Variants in POU2AF2 observed in about 807,000 individuals in gnomAD.
The protein encoded by POU2AF2 is POU domain class 2-associating factor 2.
chr11:111,248,872 A>T, the POU2AF2 span, among the ~76,000 whole-genome samples: 1 of 152,224 alleles, frequency 6.6e-6, no homozygotes, highest in Admixed American at 6.5e-5. Context: ...TGACAAATTG[A>T]TTTCAGAATA....
At chr11:111,267,155 C>T in the POU2AF2 span, among the ~76,000 whole-genome samples, 7 of 152,238 alleles carry the variant, frequency 4.6e-5, no homozygotes, top group Non-Finnish European at 4.4e-5. Flanking sequence ...TTAGAAGACA[C>T]TGGACCCAAG....
At chr11:111,252,443 T>C in the POU2AF2 span, among the ~76,000 whole-genome samples, 1 of 152,064 alleles carries the variant, frequency 6.6e-6, no homozygotes, top group African/African-American at 2.4e-5. Flanking sequence ...GGGATCACAT[T>C]TGAGAATCAC....
At chr11:111,280,040 C>CAAAAAAAAA in the POU2AF2 span, among the ~76,000 whole-genome samples, 1 of 72,612 alleles carries the variant, frequency 1.4e-5, no homozygotes, top group African/African-American at 4.8e-5. Flanking sequence ...GACTCCATCT[C>CAAAAAAAAA]AAAAAAAAAA....
chr11:111,264,498 A>C, the POU2AF2 span, among the ~76,000 whole-genome samples: 1 of 7,606 alleles, frequency 1.3e-4, no homozygotes, highest in Non-Finnish European at 3.1e-4. Flanking sequence ...TCACGAAAGA[A>C]AGAAAGAAAG....
At chr11:111,282,953 C>T in the POU2AF2 span, among the ~76,000 whole-genome samples, 2 of 152,046 alleles carry the variant, frequency 1.3e-5, no homozygotes, top group East Asian at 3.8e-4. Context: ...AAGTGTTGAG[C>T]AAACACACCT....
At chr11:111,254,178 A>T in the POU2AF2 span, among the ~76,000 whole-genome samples, 1 of 152,222 alleles carries the variant, frequency 6.6e-6, no homozygotes, top group African/African-American at 2.4e-5. Context: ...CATCACACAC[A>T]ATTCTAGAAG....
At chr11:111,285,784 C>G in the POU2AF2 span, 1 of 1,611,770 alleles carries the variant, frequency 6.2e-7, no homozygotes, top group Admixed American at 1.7e-5. Context: ...TCGCCCAGCA[C>G]AGGGGCTCAA....
the POU2AF2 span, among the ~76,000 whole-genome samples, chr11:111,257,626 G>A: frequency 5.3e-5 from 8 of 152,008 alleles, no homozygotes; most frequent in South Asian, 1.0e-3. Context: ...CACCTGCCTC[G>A]GCCTCTCAGA....
At chr11:111,253,316 A>G in the POU2AF2 span, among the ~76,000 whole-genome samples, 2 of 152,266 alleles carry the variant, frequency 1.3e-5, no homozygotes, top group Non-Finnish European at 2.9e-5. Flanking sequence ...TGTTTACCCC[A>G]GTATGCCAGG....
the POU2AF2 span, among the ~76,000 whole-genome samples, chr11:111,266,867 T>A: frequency 2.2e-3 from 332 of 152,294 alleles, no homozygotes; most frequent in African/African-American, 7.7e-3. Context: ...AGGTCTTCAC[T>A]TCACCCACCC....
At chr11:111,282,303 A>G in the POU2AF2 span, among the ~76,000 whole-genome samples, 1 of 152,212 alleles carries the variant, frequency 6.6e-6, no homozygotes, top group African/African-American at 2.4e-5. Context: ...ATATAATTTC[A>G]TTGTATGAAA....
chr11:111,280,040 C>CAAAAAAAAAAA, the POU2AF2 span, among the ~76,000 whole-genome samples: 1 of 72,614 alleles, frequency 1.4e-5, no homozygotes, highest in African/African-American at 4.8e-5. Context: ...GACTCCATCT[C>CAAAAAAAAAAA]AAAAAAAAAA....
chr11:111,270,973 A>G, the POU2AF2 span, among the ~76,000 whole-genome samples: 1 of 152,162 alleles, frequency 6.6e-6, no homozygotes. Flanking sequence ...CCAACCTGTC[A>G]TTTTAGCACC....
the POU2AF2 span, among the ~76,000 whole-genome samples, chr11:111,264,435 G>A: frequency 1.3e-5 from 2 of 151,452 alleles, no homozygotes; most frequent in Non-Finnish European, 2.9e-5. Flanking sequence ...GGCGGAGGTT[G>A]CAGTGAGGCG....
At chr11:111,280,057 A>AAAAAAAATAT in the POU2AF2 span, among the ~76,000 whole-genome samples, 1 of 76,498 alleles carries the variant, frequency 1.3e-5, no homozygotes, top group African/African-American at 5.0e-5. Flanking sequence ...AAAAAAAAAA[A>AAAAAAAATAT]ATATATATAT....
chr11:111,267,237 T>G, the POU2AF2 span, among the ~76,000 whole-genome samples: 1 of 152,210 alleles, frequency 6.6e-6, no homozygotes, highest in Non-Finnish European at 1.5e-5. Flanking sequence ...CAGAAACAGC[T>G]GCATCCAGTG....
chr11:111,270,766 G>A, the POU2AF2 span, among the ~76,000 whole-genome samples: 1 of 152,186 alleles, frequency 6.6e-6, no homozygotes, highest in African/African-American at 2.4e-5. Context: ...ATCCAGGACA[G>A]GTGGCCAGCA....
chr11:111,284,087 A>C, the POU2AF2 span: 1 of 1,610,040 alleles, frequency 6.2e-7, no homozygotes, highest in Non-Finnish European at 8.5e-7. Context: ...TTCGCCGGTC[A>C]CGTCAGGTTA....
the POU2AF2 span, among the ~76,000 whole-genome samples, chr11:111,270,202 A>G: frequency 2.0e-5 from 3 of 152,228 alleles, no homozygotes; most frequent in Non-Finnish European, 4.4e-5. Context: ...TTTATTAAAG[A>G]GAAATTAAGT....
Sources: gnomAD v4.1 joint callset for allele counts (sites outside exome capture counted in the v4.1 genomes callset) on GRCh38, gnomAD v4.1.1 for gene constraint, MANE v1.5 for transcripts, NCBI Gene and HGNC (gene_info 2026-07-23, HGNC 2026-07-21) for gene names.